PCCA: variants seen among roughly 807,000 people sequenced by gnomAD.
The protein encoded by PCCA is propionyl-CoA carboxylase subunit alpha, also known as propionyl-CoA carboxylase alpha chain, mitochondrial.
PCCA carries 74 observed loss-of-function variants against 101.3 expected under a neutral mutation model. That is an observed-to-expected ratio of 0.73 (90% CI 0.61 to 0.89). The LOEUF (loss-of-function observed/expected upper bound fraction) is 0.89. Among genes scored for constraint, PCCA ranks in the 40% least tolerant of loss-of-function variants. The probability of loss-of-function intolerance (pLI) is 0.00; values close to 1 mark genes in which losing one functional copy is unlikely to be tolerated. For synonymous variants in PCCA, 294 were observed against 313.6 expected, an observed-to-expected ratio of 0.94 and a Z score of 0.66; for missense variants, 891 against 907.0, an observed-to-expected ratio of 0.98 and a Z score of 0.23.
In PCCA at chr13:100,296,058, A is replaced by T. The variant is rs373743507; in HGVS notation, c.1066-5402A>T. On this transcript the variant is annotated intron_variant, in intron 12 of 23. Coordinates refer to ENST00000376285, the MANE Select transcript of PCCA (RefSeq NM_000282.4). The stretch of plus-strand genomic sequence containing the variant: ...TAAATATCACAGTAAAATATTTAAA[A>T]GTTTAGGTCAGAGGAAACATATCGC... Among the ~76,000 whole-genome samples, 353 of 152,258 alleles carry T rather than the reference A, an allele frequency of 2.3e-3. 2 individuals carry two copies. The highest frequency in any genetic ancestry group is 6.8e-3 in the Middle Eastern group (2 of 294).
chr13:100,177,527 G>GA (rs925212837), intron 6 of PCCA, among the ~76,000 whole-genome samples: 15 of 152,168 alleles, frequency 9.9e-5, no homozygotes, highest in African/African-American at 3.6e-4. Context: ...GTAAAAAACT[G>GA]AAAAAAATCT....
chr13:100,188,495 T>A (rs1246196154), intron 6 of PCCA, among the ~76,000 whole-genome samples: 1 of 152,250 alleles, frequency 6.6e-6, no homozygotes, highest in Non-Finnish European at 1.5e-5. Flanking sequence ...TTTTTGCAAT[T>A]GCAAATTGTG....
chr13:100,130,046 C>T, intron 4 of PCCA, among the ~76,000 whole-genome samples: 1 of 152,186 alleles, frequency 6.6e-6, no homozygotes, highest in East Asian at 1.9e-4. Context: ...ACTCACTGTG[C>T]CATCCTTTTT....
intron 22 of PCCA, among the ~76,000 whole-genome samples, chr13:100,516,700 G>A (rs927510599): frequency 1.1e-4 from 16 of 151,780 alleles, no homozygotes; most frequent in Non-Finnish European, 1.8e-4. Flanking sequence ...TAATGCCCAC[G>A]TGTTAAGGAT....
intron 19 of PCCA, among the ~76,000 whole-genome samples, chr13:100,386,530 T>C (rs1368678602): frequency 1.3e-5 from 2 of 152,320 alleles, no homozygotes; most frequent in Non-Finnish European, 1.5e-5. Context: ...TACAGATGCC[T>C]GCCACCATGC....
Position 100,515,508 on chromosome 13 carries a change from G to A in PCCA, c.1981G>A (p.Val661Ile), listed in dbSNP as rs1162403938. ...LEKVTEDTSS[V>I]LRSPMPGVVV... The stretch of plus-strand genomic sequence containing the variant: ...AAAAGTGACTGAGGACACAAGCAGT[G>A]TTCTGCGTTCCCCGATGCCCGGAGT... Residue 661 changes from valine (V) to isoleucine (I), a missense_variant, in exon 22 of 24, where the codon GTT becomes ATT. Val to Ile is a conservative substitution (Grantham distance 29). Transcript: ENST00000376285. 1 of 1,614,198 alleles carries A rather than the reference G, an allele frequency of 6.2e-7. No individual in the cohort carries two copies. Among genetic ancestry groups the A allele is most frequent in the Non-Finnish European group, 8.5e-7 (1 of 1,180,030 alleles).
chr13:100,161,859 A>C (rs1165936791), intron 6 of PCCA, among the ~76,000 whole-genome samples: 2 of 152,050 alleles, frequency 1.3e-5, no homozygotes, highest in African/African-American at 4.8e-5. Context: ...TAATGACATA[A>C]ATTTTCTTAT....
At chr13:100,300,063 G>T (rs1404927592) in intron 12 of PCCA, among the ~76,000 whole-genome samples, 1 of 152,148 alleles carries the variant, frequency 6.6e-6, no homozygotes, top group Non-Finnish European at 1.5e-5. Flanking sequence ...CATGAGATTG[G>T]TTTCTAGTAA....
intron 18 of PCCA, among the ~76,000 whole-genome samples, chr13:100,348,737 TTTCTTTCTTTCTTTC>T (rs1196992539): frequency 1.7e-5 from 1 of 60,168 alleles, no homozygotes; most frequent in African/African-American, 7.0e-5. Flanking sequence ...CCTTTCTTTC[TTTCTTTCTTTCTTTC>T]TTTCTTTCTT....
rs565883595 is a variant in PCCA, at chr13:100,121,526, G to A, written c.300+9465G>A. Among the ~76,000 whole-genome samples, 3 of 148,942 alleles carry A rather than the reference G, an allele frequency of 2.0e-5. No individual in the cohort carries two copies. In the South Asian group the frequency reaches 6.4e-4, roughly 32 times the overall value. Reference sequence around the variant, plus strand: ...GTCTCATTCTGTTGCCCAGGCTGGAGTGCAATGGTGCGATCTTGGCTCACT... The same window carrying A: ...GTCTCATTCTGTTGCCCAGGCTGGAATGCAATGGTGCGATCTTGGCTCACT... On this transcript the variant is annotated intron_variant, in intron 4 of 23. Transcript: ENST00000376285.
At chr13:100,212,638 G>C (rs1446691945) in intron 7 of PCCA, among the ~76,000 whole-genome samples, 2 of 151,908 alleles carry the variant, frequency 1.3e-5, no homozygotes. Context: ...CTTCTAATTA[G>C]TCTCCTTGTA....
intron 6 of PCCA, among the ~76,000 whole-genome samples, chr13:100,176,119 A>G (rs370860597): frequency 6.5e-4 from 99 of 152,230 alleles, no homozygotes; most frequent in African/African-American, 2.1e-3. Context: ...CATTTTTTCC[A>G]TCTTTGCCTG....
chr13:100,461,662 T>C (rs1184862811), intron 21 of PCCA, among the ~76,000 whole-genome samples: 1 of 152,226 alleles, frequency 6.6e-6, no homozygotes, highest in Non-Finnish European at 1.5e-5. Flanking sequence ...AGGAATGACA[T>C]GATGGCTTAC....
intron 21 of PCCA, among the ~76,000 whole-genome samples, chr13:100,494,186 CA>C (rs1350711655): frequency 6.7e-6 from 1 of 150,292 alleles, no homozygotes; most frequent in South Asian, 2.1e-4. Context: ...GACTCTGTCT[CA>C]AAAAATAAAT....
intron 19 of PCCA, among the ~76,000 whole-genome samples, chr13:100,379,074 C>T (rs1279540061): frequency 1.3e-5 from 2 of 152,032 alleles, no homozygotes; most frequent in Non-Finnish European, 2.9e-5. Context: ...AATTTGTTTT[C>T]ATAGGGGAAG....
At chr13:100,226,087 G>T (rs576550664) in intron 7 of PCCA, among the ~76,000 whole-genome samples, 1 of 152,076 alleles carries the variant, frequency 6.6e-6, no homozygotes, top group African/African-American at 2.4e-5. Context: ...CACTGTGCCC[G>T]GCCGAAAGAT....
intron 7 of PCCA, among the ~76,000 whole-genome samples, chr13:100,220,353 G>A (rs532312240): frequency 5.3e-4 from 80 of 151,906 alleles, no homozygotes; most frequent in African/African-American, 1.8e-3. Context: ...TCCACCTCCC[G>A]GGTTGAAGCA....
intron 20 of PCCA, among the ~76,000 whole-genome samples, chr13:100,430,074 G>A (rs926237616): frequency 4.0e-5 from 6 of 151,460 alleles, no homozygotes; most frequent in African/African-American, 9.7e-5. Flanking sequence ...TTCGGAGTTC[G>A]AGACCAGCCT....
intron 16 of PCCA, among the ~76,000 whole-genome samples, chr13:100,323,506 C>T (rs991395538): frequency 1.4e-4 from 22 of 151,922 alleles, no homozygotes; most frequent in African/African-American, 1.2e-4. Flanking sequence ...TTAGTAGAGA[C>T]GGGGTTTCAC....
Sources: allele counts gnomAD v4.1 joint callset (sites outside exome capture counted in the v4.1 genomes callset), GRCh38; gene constraint gnomAD v4.1.1; transcripts MANE v1.5; gene names NCBI Gene and HGNC (gene_info 2026-07-23, HGNC 2026-07-21).